EPYC: variants seen among roughly 807,000 people sequenced by gnomAD.
EPYC encodes the protein dermatan sulfate proteoglycan 3.
Under a neutral mutation model 30.1 loss-of-function variants are expected in EPYC, and 28 were observed. That is an observed-to-expected ratio of 0.93 (90% confidence interval 0.69 to 1.28). The LOEUF is 1.28. EPYC is among the 50% of genes most tolerant of loss of function. EPYC has a pLI of 0.00. For synonymous variants in EPYC, 144 were observed against 141.4 expected (o/e 1.02, Z -0.13); for missense variants, 382 against 383.5 (o/e 1.00, Z 0.03).
At chr12:90,985,003 A>C (rs1410048651) in intron 2 of EPYC, among the ~76,000 whole-genome samples, 1 of 152,164 alleles carries the variant, frequency 6.6e-6, no homozygotes, top group Admixed American at 6.5e-5. Flanking sequence ...CTTGGAGAGA[A>C]GTCATGCTAT....
At chr12:90,980,143 C>A (rs1325399265) in intron 2 of EPYC, among the ~76,000 whole-genome samples, 2 of 151,996 alleles carry the variant, frequency 1.3e-5, no homozygotes. Context: ...GAAATTGAGA[C>A]AGATGTTTCA....
Position 90,970,080 on chromosome 12 carries a change from CA to C in EPYC, c.761del (p.Leu254ArgfsTer31), listed in dbSNP as rs1305764957. On this transcript the variant is annotated frameshift_variant, in exon 6 of 7. Transcript: ENST00000261172. LOFTEE classifies it high-confidence loss of function. ...GGGCTCGTAGATTTTCTGGGAGTGG[CA>C]GAGGGATGTGGTCCAAGTTGTTATC... ...LTDNNLDHIP[L>X]PLPENLRALH... The C allele has an allele frequency of 6.2e-7, 1 of 1,613,780 alleles. No homozygotes were observed. Among genetic ancestry groups the C allele is most frequent in the African/African-American group, 1.3e-5 (1 of 74,888 alleles).
chr12:90,991,705 C>T (rs1920764), intron 2 of EPYC, among the ~76,000 whole-genome samples: 124,175 of 152,078 alleles, frequency 0.82, 50,981 homozygotes, highest in Non-Finnish European at 0.87. Context: ...ATGAGGAAAG[C>T]CAAACACCAA....
At chr12:90,997,793 A>T (rs7358707) in intron 2 of EPYC, among the ~76,000 whole-genome samples, 1 of 151,834 alleles carries the variant, frequency 6.6e-6, no homozygotes, top group Non-Finnish European at 1.5e-5. Flanking sequence ...AACAGAGTCC[A>T]TTATCTATAA....
intron 4 of EPYC, 163 bp downstream of exon 4, chr12:90,972,659 T>A (rs1877080547): frequency 1.6e-6 from 1 of 612,224 alleles, no homozygotes; most frequent in Non-Finnish European, 2.7e-6. Context: ...GTTTTTCTTA[T>A]AATTGTTAAA....
At chr12:90,998,021 T>A (rs748859328) in intron 2 of EPYC, among the ~76,000 whole-genome samples, 1 of 152,098 alleles carries the variant, frequency 6.6e-6, no homozygotes, top group African/African-American at 2.4e-5. Flanking sequence ...TTATGATATA[T>A]AATTACTAAC....
In EPYC at chr12:90,964,008, T is replaced by G; in HGVS notation, c.*148A>C. On this transcript the variant is annotated 3_prime_UTR_variant, in exon 7 of 7. Coordinates refer to ENST00000261172, the MANE Select transcript of EPYC (RefSeq NM_004950.5). ...GGTGTTTTCTTAAATTACTACATTT[T>G]CATTATAACATTTTTAATTGTATTT... is the stretch of plus-strand genomic sequence containing the variant. 1 of 268,082 alleles carries G rather than the reference T, an allele frequency of 3.7e-6. No homozygotes were observed. Among genetic ancestry groups the G allele is most frequent in the Non-Finnish European group, 6.6e-6 (1 of 151,794 alleles). 16.6% of individuals were successfully genotyped at this position (268,082 alleles called of 1,614,324 possible). A position where few individuals can be genotyped will look rare whatever the true frequency, so the allele number is the denominator to read the frequency against.
intron 2 of EPYC, among the ~76,000 whole-genome samples, chr12:90,989,822 A>G (rs1877541599): frequency 6.6e-6 from 1 of 152,044 alleles, no homozygotes; most frequent in Non-Finnish European, 1.5e-5. Context: ...TCAAGACTCC[A>G]TTCACCATCA....
intron 2 of EPYC, among the ~76,000 whole-genome samples, chr12:90,996,380 T>A (rs921191728): frequency 2.6e-5 from 4 of 151,900 alleles, no homozygotes; most frequent in African/African-American, 7.2e-5. Context: ...ATTTATTTTT[T>A]AAAAATTTTA....
At chr12:91,000,372 A>T (rs1419224831) in intron 2 of EPYC, among the ~76,000 whole-genome samples, 1 of 151,136 alleles carries the variant, frequency 6.6e-6, no homozygotes, top group Non-Finnish European at 1.5e-5. Context: ...GAAAACACAG[A>T]TACTAAGATA....
chr12:90,983,786 T>G (rs1877381638), intron 2 of EPYC, among the ~76,000 whole-genome samples: 1 of 152,162 alleles, frequency 6.6e-6, no homozygotes, highest in Admixed American at 6.5e-5. Context: ...CTGGTGCTTT[T>G]CTATTTTTTC....
At chr12:90,980,587 A>T (rs1592626643) in intron 2 of EPYC, among the ~76,000 whole-genome samples, 1 of 152,272 alleles carries the variant, frequency 6.6e-6, no homozygotes, top group East Asian at 1.9e-4. Context: ...CACATGCACA[A>T]AAAATAGTCC....
intron 2 of EPYC, among the ~76,000 whole-genome samples, chr12:90,979,094 A>T (rs895264665): frequency 6.6e-6 from 1 of 152,146 alleles, no homozygotes; most frequent in Non-Finnish European, 1.5e-5. Context: ...ATTGCTTTTA[A>T]GAATACTGTT....
chr12:91,002,315 A>T (rs1877850276), intron 2 of EPYC, 86 bp downstream of exon 2: 3 of 1,174,502 alleles, frequency 2.6e-6, no homozygotes, highest in East Asian at 2.4e-5. Flanking sequence ...TTATAAAAAA[A>T]CCCAAACATC....
At chr12:90,973,538 G>A (rs1237502704) in intron 3 of EPYC, among the ~76,000 whole-genome samples, 1 of 152,148 alleles carries the variant, frequency 6.6e-6, no homozygotes, top group Non-Finnish European at 1.5e-5. Context: ...TAAATGTCAT[G>A]AAGTGTCATC....
chr12:90,987,564 C>G (rs1236809637), intron 2 of EPYC, among the ~76,000 whole-genome samples: 1 of 152,168 alleles, frequency 6.6e-6, no homozygotes. Flanking sequence ...ATCTCCATGT[C>G]TGCCTATGGA....
intron 3 of EPYC, among the ~76,000 whole-genome samples, chr12:90,974,625 A>G (rs1178993606): frequency 6.6e-6 from 1 of 152,098 alleles, no homozygotes; most frequent in Non-Finnish European, 1.5e-5. Context: ...TTTTCATCCC[A>G]CTTGTGGAAG....
intron 2 of EPYC, 51 bp from the exon 3 acceptor site, chr12:90,978,313 TC>T: frequency 6.5e-7 from 1 of 1,535,410 alleles, no homozygotes; most frequent in East Asian, 2.4e-5. Context: ...TCTCAGTCAC[TC>T]TGTGTGGCAG....
intron 2 of EPYC, among the ~76,000 whole-genome samples, chr12:90,996,678 A>G (rs183829264): frequency 6.6e-6 from 1 of 152,124 alleles, no homozygotes; most frequent in East Asian, 1.9e-4. Flanking sequence ...GGATGATTTT[A>G]AACAATCTAG....
Sources: gnomAD v4.1 joint callset for allele counts (sites outside exome capture counted in the v4.1 genomes callset) on GRCh38, gnomAD v4.1.1 for gene constraint, MANE v1.5 for transcripts, NCBI Gene and HGNC (gene_info 2026-07-23, HGNC 2026-07-21) for gene names.